The following FSD1L variants were observed in gnomAD, a reference collection of about 807,000 sequenced individuals.
FSD1L encodes fibronectin type III and SPRY domain containing 1 like, also known as FSD1-like protein.
FSD1L carries 45 observed loss-of-function variants against 71.6 expected under a neutral mutation model. The observed-to-expected ratio is 0.63, with a 90% CI of 0.49 to 0.81. FSD1L has a LOEUF of 0.81. Ranked by LOEUF, FSD1L falls within the 30% of genes least tolerant of loss-of-function variation. FSD1L has a pLI of 0.00. For synonymous variants in FSD1L, 197 were observed against 207.2 expected (o/e 0.95, Z 0.42); for missense variants, 561 against 618.1 (o/e 0.91, Z 0.98).
chr9:105,443,709 A>G (rs1301981666), upstream of FSD1L, among the ~76,000 whole-genome samples: 1 of 152,134 alleles, frequency 6.6e-6, no homozygotes, highest in African/African-American at 2.4e-5. Flanking sequence ...AGGTGGGAGG[A>G]CTGCTTGAGG....
Position 105,549,353 on chromosome 9 carries a change from C to T in FSD1L, c.*2870C>T, listed in dbSNP as rs977176415. ...AGAATTTTTTTACAATTCATTTTGA[C>T]TCTCATGGCTGACCATGTCATTATG... On this transcript the variant is annotated 3_prime_UTR_variant, in exon 14 of 14. Coordinates refer to ENST00000481272, the MANE Select transcript of FSD1L (RefSeq NM_001145313.3). 3 of 152,030 alleles carry T rather than the reference C, an allele frequency of 2.0e-5. No homozygotes were observed. The highest frequency in any genetic ancestry group is 4.4e-5 in the Non-Finnish European group (3 of 67,932). The allele number at this position is 152,030 out of a possible 1,614,324, so 9.4% of individuals were successfully genotyped here.
At chr9:105,522,346 A>G in intron 10 of FSD1L, 1 of 1,614,096 alleles carries the variant, frequency 6.2e-7, no homozygotes, top group Non-Finnish European at 8.5e-7. Context: ...CAAAAAAAGC[A>G]CAAAGGGAAA....
intron 1 of FSD1L, among the ~76,000 whole-genome samples, chr9:105,457,494 A>G (rs1221629623): frequency 6.6e-6 from 1 of 152,248 alleles, no homozygotes; most frequent in African/African-American, 2.4e-5. Context: ...GAGTCTGATT[A>G]AGAAAAATTT....
chr9:105,448,147 G>C lies in FSD1L; in HGVS notation c.-74G>C. The C allele has an allele frequency of 6.9e-7, 1 of 1,456,226 alleles. No homozygotes were observed. Among genetic ancestry groups the C allele is most frequent in the Non-Finnish European group, 9.4e-7 (1 of 1,064,050 alleles). The allele number at this position is 1,456,226 out of a possible 1,614,324, so 90.2% of individuals were successfully genotyped here. On this transcript the variant is annotated 5_prime_UTR_variant, in exon 1 of 14. Transcript: ENST00000481272. ...CAGTGCAGTGAGTAGCGGTCTTGGG[G>C]TGTGCGATCTCGCTGAGCCTCCTCA...
chr9:105,511,433 A>G (rs1834390798), intron 9 of FSD1L, among the ~76,000 whole-genome samples: 1 of 152,128 alleles, frequency 6.6e-6, no homozygotes, highest in South Asian at 2.1e-4. Context: ...TTATTAAGGC[A>G]GTTCATTCTT....
Position 105,544,341 on chromosome 9 carries a change from A to G in FSD1L, c.1468-2017A>G, listed in dbSNP as rs1836836156. On this transcript the variant is annotated intron_variant, in intron 13 of 13. Coordinates refer to ENST00000481272, the MANE Select transcript of FSD1L (RefSeq NM_001145313.3). ...CTGGATATTAGCCCTTTGTCAGATG[A>G]GTAGATTGCAAAATTTTTCTCCCAT... is the stretch of plus-strand genomic sequence containing the variant. 2.0e-5 allele frequency among the ~76,000 whole-genome samples: 3 copies of G among 152,030 alleles called. No homozygotes were observed. The South Asian group carries it at 6.2e-4, about 32-fold the overall frequency.
chr9:105,529,200 T>A (rs1835727891), intron 10 of FSD1L, among the ~76,000 whole-genome samples: 1 of 152,230 alleles, frequency 6.6e-6, no homozygotes, highest in African/African-American at 2.4e-5. Flanking sequence ...TCAACCATTG[T>A]TGAAGACAGT....
intron 13 of FSD1L, among the ~76,000 whole-genome samples, chr9:105,544,809 A>T (rs1357209711): frequency 3.9e-5 from 6 of 152,186 alleles, no homozygotes; most frequent in African/African-American, 1.4e-4. Flanking sequence ...TACCAGTACC[A>T]TGCTGTTTTG....
At chr9:105,544,031 C>G (rs921796951) in intron 13 of FSD1L, among the ~76,000 whole-genome samples, 6 of 151,736 alleles carry the variant, frequency 4.0e-5, no homozygotes, top group African/African-American at 1.4e-4. Context: ...ATGGTTGAAC[C>G]AGTTTACTCT....
chr9:105,524,686 C>T, intron 10 of FSD1L: 1 of 1,613,976 alleles, frequency 6.2e-7, no homozygotes, highest in Admixed American at 1.7e-5. Flanking sequence ...CCTCTGCGCT[C>T]TCCTGACTCA....
intron 7 of FSD1L, among the ~76,000 whole-genome samples, chr9:105,493,842 G>C (rs1833141699): frequency 6.6e-6 from 1 of 152,178 alleles, no homozygotes; most frequent in South Asian, 2.1e-4. Context: ...ACTCTCTTCT[G>C]GTTTGTAGAG....
chr9:105,495,437 G>A (rs555433688), intron 7 of FSD1L, among the ~76,000 whole-genome samples: 2 of 152,308 alleles, frequency 1.3e-5, no homozygotes, highest in South Asian at 4.1e-4. Flanking sequence ...GGAACTCCCT[G>A]ACCCCTTGCT....
At chr9:105,532,260 C>T (rs1199726116) in intron 10 of FSD1L, among the ~76,000 whole-genome samples, 1 of 152,046 alleles carries the variant, frequency 6.6e-6, no homozygotes, top group Non-Finnish European at 1.5e-5. Context: ...ACATACAGAC[C>T]TTTTGTGATC....
At chr9:105,520,469 A>T in intron 10 of FSD1L, 1 of 1,050,374 alleles carries the variant, frequency 9.5e-7, no homozygotes, top group Non-Finnish European at 1.5e-6. Context: ...CTTAAACAGA[A>T]AGGTCACAAG....
chr9:105,485,279 C>T (rs1453255788), intron 7 of FSD1L, among the ~76,000 whole-genome samples: 1 of 152,084 alleles, frequency 6.6e-6, no homozygotes, highest in Non-Finnish European at 1.5e-5. Context: ...CATGCTATGT[C>T]AAAACATGAT....
At chr9:105,447,872 C>A (rs1829712122), upstream of FSD1L, 1 of 413,338 alleles carries the variant, frequency 2.4e-6, no homozygotes, top group African/African-American at 2.1e-5. Flanking sequence ...AGACCGCTAT[C>A]GCTGGAGGAA....
chr9:105,475,696 C>T (rs554544796), intron 5 of FSD1L, among the ~76,000 whole-genome samples: 1 of 152,304 alleles, frequency 6.6e-6, no homozygotes, highest in East Asian at 1.9e-4. Flanking sequence ...TTATGTCTTA[C>T]AGAAATGCAA....
At chr9:105,522,171 G>A (rs1367689045) in intron 10 of FSD1L, 4 of 1,613,866 alleles carry the variant, frequency 2.5e-6, no homozygotes, top group Non-Finnish European at 3.4e-6. Flanking sequence ...CATCTCCCGA[G>A]AACTTTGGGA....
intron 7 of FSD1L, among the ~76,000 whole-genome samples, chr9:105,506,198 T>C (rs1027702446): frequency 6.6e-6 from 1 of 152,230 alleles, no homozygotes; most frequent in African/African-American, 2.4e-5. Context: ...TTATTCTCGA[T>C]TCCTTATCCT....
Sources: allele counts gnomAD v4.1 joint callset (sites outside exome capture counted in the v4.1 genomes callset), GRCh38; gene constraint gnomAD v4.1.1; transcripts MANE v1.5; gene names NCBI Gene and HGNC (gene_info 2026-07-23, HGNC 2026-07-21).